Variants in F11 observed in about 807,000 individuals in gnomAD.
The protein encoded by F11 is coagulation factor XI.
Under a neutral mutation model 76.5 loss-of-function variants are expected in F11, and 78 were observed. The ratio of observed to expected loss-of-function variants is 1.02; its 90% CI spans 0.85 to 1.23. The LOEUF is 1.23. F11 is among the 50% of genes most tolerant of loss of function. The pLI, the probability that F11 is intolerant of heterozygous loss-of-function variation, is 0.00. For missense variants in F11, 742 were observed against 771.4 expected, an observed-to-expected ratio of 0.96 and a Z score of 0.45; for synonymous variants, 278 against 276.3, an observed-to-expected ratio of 1.01 and a Z score of -0.06.
intron 12 of F11, 24 bp downstream of exon 12, chr4:186,285,837 G>T (rs1741170378): frequency 1.2e-6 from 2 of 1,613,514 alleles, no homozygotes; most frequent in East Asian, 2.2e-5. Context: ...TATCCGGAAA[G>T]TTGTCTCCAA....
intron 7 of F11, among the ~76,000 whole-genome samples, chr4:186,277,617 G>GGAGA (rs150696701): frequency 6.6e-6 from 1 of 151,240 alleles, no homozygotes; most frequent in Non-Finnish European, 1.5e-5. Context: ...AACCCAAAGT[G>GGAGA]GAGAGAGAGA....
At chr4:186,267,969 A>G (rs1056675380) in intron 2 of F11, among the ~76,000 whole-genome samples, 2 of 152,174 alleles carry the variant, frequency 1.3e-5, no homozygotes, top group Non-Finnish European at 2.9e-5. Flanking sequence ...AGGTTATAAT[A>G]TTCCTTTGTT....
At chr4:186,269,005 G>A (rs961037080) in intron 2 of F11, among the ~76,000 whole-genome samples, 2 of 152,128 alleles carry the variant, frequency 1.3e-5, no homozygotes, top group Non-Finnish European at 2.9e-5. Flanking sequence ...ATTTTATAAG[G>A]TCAGGGTAAT....
chr4:186,279,788 A>G (rs926075090), intron 7 of F11, among the ~76,000 whole-genome samples: 2 of 152,168 alleles, frequency 1.3e-5, no homozygotes, highest in Non-Finnish European at 2.9e-5. Context: ...GAAAATTTTT[A>G]TGGAGGTGAT....
Position 186,280,860 on chromosome 4 carries a change from T to C in F11, c.1135+280T>C, listed in dbSNP as rs1024563063. 3.2e-3 allele frequency among the ~76,000 whole-genome samples: 415 copies of C among 128,768 alleles called. 11 individuals carry two copies. Among genetic ancestry groups the C allele is most frequent in the Admixed American group, 0.024 (331 of 13,532 alleles). The allele number at this position is 128,768 out of a possible 152,430, so 84.5% of individuals were successfully genotyped here. ...GCATTTCTGTTTTCTTTCTTTCTTTTTTTTTTTTTTTTTTTTGAGACACAG... is the reference window on the plus strand; with the variant it reads ...GCATTTCTGTTTTCTTTCTTTCTTTCTTTTTTTTTTTTTTTTGAGACACAG... On this transcript the variant is annotated intron_variant, in intron 10 of 14. Transcript: ENST00000403665.
intron 4 of F11, 77 bp from the exon 5 acceptor site, chr4:186,274,039 G>A: frequency 2.0e-6 from 3 of 1,533,328 alleles, no homozygotes; most frequent in Non-Finnish European, 2.7e-6. Flanking sequence ...TTGAAAGGAT[G>A]AGTCAGGAGG....
chr4:186,273,019 A>AT (rs1186177787), intron 3 of F11, 52 bp from the exon 4 acceptor site: 1 of 1,245,162 alleles, frequency 8.0e-7, no homozygotes, highest in Non-Finnish European at 1.2e-6. Flanking sequence ...AAGATCCATT[A>AT]TTTTAAAAAC....
intron 7 of F11, among the ~76,000 whole-genome samples, chr4:186,277,392 C>T (rs1184685730): frequency 6.6e-6 from 1 of 152,016 alleles, no homozygotes; most frequent in East Asian, 1.9e-4. Flanking sequence ...ATCTTTGTGA[C>T]ATGATTTTTT....
At chr4:186,279,987 T>G in intron 7 of F11, 25 bp from the exon 8 acceptor site, 1 of 1,554,694 alleles carries the variant, frequency 6.4e-7, no homozygotes, top group South Asian at 1.1e-5. Flanking sequence ...ATGATATATT[T>G]CTACTTCCCT....
At chr4:186,281,903 G>A (rs1393070700) in intron 10 of F11, 5 of 1,250,374 alleles carry the variant, frequency 4.0e-6, no homozygotes, top group Non-Finnish European at 5.3e-6. Context: ...CTCCAACACT[G>A]GTATCCTAAC....
chr4:186,281,067 G>C (rs988397375), intron 10 of F11, among the ~76,000 whole-genome samples: 2 of 151,916 alleles, frequency 1.3e-5, no homozygotes, highest in Admixed American at 6.6e-5. Context: ...ATGTTGCCCA[G>C]GCTGGTCTTG....
intron 2 of F11, among the ~76,000 whole-genome samples, chr4:186,267,850 T>C (rs1739618563): frequency 6.6e-6 from 1 of 152,194 alleles, no homozygotes; most frequent in African/African-American, 2.4e-5. Context: ...TTTGCTGGCC[T>C]ATGTGAAAAA....
chr4:186,279,965 T>C, intron 7 of F11, 47 bp from the exon 8 acceptor site: 2 of 1,407,304 alleles, frequency 1.4e-6, no homozygotes, highest in Non-Finnish European at 2.0e-6. Flanking sequence ...AAAATGTTTT[T>C]ATGTGTTTGA....
At chr4:186,287,857 C>A (rs1741325816) in intron 14 of F11, 34 bp downstream of exon 14, 2 of 1,601,318 alleles carry the variant, frequency 1.2e-6, no homozygotes, top group Admixed American at 1.7e-5. Flanking sequence ...GGAATATATG[C>A]AAATTGGAAT....
intron 13 of F11, 95 bp from the exon 14 acceptor site, chr4:186,287,587 TAA>T (rs143389832): frequency 2.2e-5 from 10 of 453,582 alleles, no homozygotes; most frequent in African/African-American, 7.3e-5. Flanking sequence ...CCGTCTCAAT[TAA>T]AAATATATAT....
At chr4:186,273,741 C>T (rs1740156792) in intron 4 of F11, among the ~76,000 whole-genome samples, 3 of 152,056 alleles carry the variant, frequency 2.0e-5, no homozygotes, top group East Asian at 1.9e-4. Context: ...GGTGCCCAGT[C>T]GAAATTCTTT....
intron 2 of F11, among the ~76,000 whole-genome samples, chr4:186,268,621 G>T (rs1179698935): frequency 6.6e-6 from 1 of 151,624 alleles, no homozygotes. Context: ...CACCGTGAAT[G>T]GGAGCTAGAA....
chr4:186,288,377 G>T, intron 14 of F11, 76 bp from the exon 15 acceptor site: 1 of 1,597,624 alleles, frequency 6.3e-7, no homozygotes, highest in East Asian at 2.2e-5. Flanking sequence ...GGCAAAATCA[G>T]CCTGAGCAAG....
intron 10 of F11, chr4:186,283,233 G>A (rs1012069132): frequency 1.9e-5 from 3 of 158,108 alleles, no homozygotes; most frequent in African/African-American, 7.5e-5. Flanking sequence ...GCATGTATGT[G>A]TGCGTGTGTT....
Sources: gnomAD v4.1 joint callset for allele counts (sites outside exome capture counted in the v4.1 genomes callset) on GRCh38, gnomAD v4.1.1 for gene constraint, MANE v1.5 for transcripts, NCBI Gene and HGNC (gene_info 2026-07-23, HGNC 2026-07-21) for gene names.